Variants in PRIMPOL observed in about 807,000 individuals in gnomAD.
The protein encoded by PRIMPOL is primase and DNA directed polymerase.
Under a neutral mutation model 63.6 loss-of-function variants are expected in PRIMPOL, and 54 were observed. The ratio of observed to expected loss-of-function variants is 0.85; its 90% CI spans 0.68 to 1.07. The LOEUF (loss-of-function observed/expected upper bound fraction) is 1.07. Ranked by LOEUF, PRIMPOL falls within the 50% of genes least tolerant of loss-of-function variation. PRIMPOL has a pLI of 0.00. For missense variants in PRIMPOL, 610 were observed against 648.3 expected (o/e 0.94, Z 0.64); for synonymous variants, 197 against 220.2 (o/e 0.89, Z 0.93).
rs1433327549 is a variant in PRIMPOL, at chr4:184,691,678, C to T, written c.1391C>T (p.Pro464Leu). 2 of 1,612,268 alleles carry T rather than the reference C, an allele frequency of 1.2e-6. No individual in the cohort carries two copies. Among genetic ancestry groups the T allele is most frequent in the African/African-American group, 1.3e-5 (1 of 74,866 alleles). ...CTTTCTGATTCAGGTTTCCCATTACCTGCTGAAGTATGTCTCCTGTTTCTT... is the reference window on the plus strand; with the variant it reads ...CTTTCTGATTCAGGTTTCCCATTACTTGCTGAAGTATGTCTCCTGTTTCTT... ...ENFKSDCFPL[P>L]AEVCLLFLFK... Residue 464 changes from proline to leucine, a missense_variant, in exon 13 of 14, where the codon CCT (proline) becomes CTT (leucine). Pro to Leu is a moderately conservative substitution (Grantham distance 98). Transcript: ENST00000314970.
intron 6 of PRIMPOL, 137 bp from the exon 7 acceptor site, chr4:184,672,036 G>C (rs903143766): frequency 1.2e-6 from 1 of 821,822 alleles, no homozygotes; most frequent in Non-Finnish European, 1.9e-6. Context: ...CACTGTGCCC[G>C]GCAGCAACCC....
intron 6 of PRIMPOL, among the ~76,000 whole-genome samples, chr4:184,668,471 G>C (rs529130475): frequency 6.6e-6 from 1 of 152,212 alleles, no homozygotes. Flanking sequence ...AGCGAGGCCC[G>C]CTGTGCTCCA....
intron 2 of PRIMPOL, among the ~76,000 whole-genome samples, chr4:184,654,406 A>T (rs1745614828): frequency 6.6e-6 from 1 of 151,692 alleles, no homozygotes; most frequent in Non-Finnish European, 1.5e-5. Context: ...AATACTCAGA[A>T]TCTAGCAATA....
chr4:184,650,889 C>T (rs890110700), intron 1 of PRIMPOL, among the ~76,000 whole-genome samples: 4 of 152,142 alleles, frequency 2.6e-5, no homozygotes, highest in African/African-American at 9.7e-5. Flanking sequence ...TTATTGCATG[C>T]TTTTACATTT....
intron 7 of PRIMPOL, among the ~76,000 whole-genome samples, chr4:184,675,872 T>C (rs1753177765): frequency 6.6e-6 from 1 of 152,088 alleles, no homozygotes; most frequent in Non-Finnish European, 1.5e-5. Context: ...GCCATGTAGC[T>C]CAAACCCTTG....
At position 184,691,668 on chromosome 4, in the gene PRIMPOL, T is replaced by C. The variant is rs553502345; in HGVS notation, c.1381T>C (p.Phe461Leu). The change falls in exon 13 of 14, where the codon TTC (phenylalanine) becomes CTC (leucine). Residue 461 changes from phenylalanine to leucine, a missense_variant and splice_region_variant. This residue lies in a region of PRIMPOL where 444 missense variants were observed against 456.4 expected (regional missense o/e 0.97). Transcript: ENST00000314970. ...CKAENFKSDC[F>L]PLPAEVCLLF... ...GTTTTGCTATCTTTCTGATTCAGGT[T>C]TCCCATTACCTGCTGAAGTATGTCT... The C allele has an allele frequency of 9.9e-6, 16 of 1,612,076 alleles. 1 individual carries two copies. Among genetic ancestry groups the C allele is most frequent in the Admixed American group, 8.3e-5 (5 of 59,994 alleles).
intron 7 of PRIMPOL, among the ~76,000 whole-genome samples, chr4:184,673,942 G>A (rs1752618791): frequency 6.6e-6 from 1 of 152,202 alleles, no homozygotes; most frequent in Admixed American, 6.5e-5. Context: ...GCAGCCACAC[G>A]GGCAGAGGCA....
chr4:184,694,656 T>TTA lies in PRIMPOL; in HGVS notation c.1562_1563dup (p.Phe522IlefsTer3), dbSNP rs774942233. 1.2e-6 allele frequency: 2 copies of TTA among 1,614,082 alleles called. No individual in the cohort carries two copies. The highest frequency in any genetic ancestry group is 1.1e-5 in the South Asian group (1 of 91,086). ...TCTGGGATAATGGCATTGATGATGCTTATTTTTTAGAAGCTACTGAAGATG... is the reference window on the plus strand; with the variant it reads ...TCTGGGATAATGGCATTGATGATGCTTATATTTTTTAGAAGCTACTGAAGATG... On this transcript the variant is annotated frameshift_variant, in exon 14 of 14. Transcript: ENST00000314970. LOFTEE classifies it low-confidence loss of function (END_TRUNC).
rs1432961280 is a variant in PRIMPOL, at chr4:184,657,324, A to T, written c.180+4A>T. ...TTTTGTTAAAAGCTGTAAAGAAGTA[A>T]TTTCCTCCTCCTCCTCTTCTTCTTC... On this transcript the variant is annotated splice_donor_region_variant and intron_variant, in intron 3 of 13. Coordinates refer to ENST00000314970, the MANE Select transcript of PRIMPOL (RefSeq NM_152683.4). 1 of 1,598,244 alleles carries T rather than the reference A, an allele frequency of 6.3e-7. No individual in the cohort carries two copies. Among genetic ancestry groups the T allele is most frequent in the South Asian group, 1.1e-5 (1 of 88,512 alleles).
chr4:184,677,798 T>C (rs1376337397), intron 7 of PRIMPOL, among the ~76,000 whole-genome samples: 2 of 152,222 alleles, frequency 1.3e-5, no homozygotes, highest in African/African-American at 2.4e-5. Context: ...TTTACTTAGG[T>C]ATTCTCTAAT....
chr4:184,676,015 C>G (rs1579487901), intron 7 of PRIMPOL, among the ~76,000 whole-genome samples: 1 of 152,124 alleles, frequency 6.6e-6, no homozygotes, highest in South Asian at 2.1e-4. Context: ...GTCAGTGTTT[C>G]TTGCATCTTG....
intron 6 of PRIMPOL, among the ~76,000 whole-genome samples, chr4:184,671,073 AAAT>A (rs1751473011): frequency 6.6e-6 from 1 of 152,240 alleles, no homozygotes; most frequent in Admixed American, 6.5e-5. Context: ...TTCATGGTGT[AAAT>A]AATATGTCTG....
intron 3 of PRIMPOL, chr4:184,657,530 A>G (rs1746806486): frequency 2.2e-6 from 1 of 459,776 alleles, no homozygotes; most frequent in South Asian, 3.4e-5. Flanking sequence ...CATTTAATTT[A>G]TATTAGTAAT....
intron 2 of PRIMPOL, among the ~76,000 whole-genome samples, chr4:184,656,666 G>C (rs1333321354): frequency 1.3e-5 from 2 of 152,024 alleles, no homozygotes; most frequent in Non-Finnish European, 2.9e-5. Context: ...CACAAGAATG[G>C]GTGGACAAGG....
Position 184,671,155 on chromosome 4 carries a change from T to A in PRIMPOL, c.557-1018T>A, listed in dbSNP as rs146334405. Among the ~76,000 whole-genome samples the A allele has an allele frequency of 3.5e-3, 530 of 152,286 alleles. 8 individuals carry two copies. The highest frequency in any genetic ancestry group is 9.0e-4 in the Non-Finnish European group (61 of 68,016). ...CAGATAGTACTGCTGTTACTCTGAG[T>A]TCTTAGAATAAATGTTGAAGTGCAG... On this transcript the variant is annotated intron_variant, in intron 6 of 13. Coordinates refer to ENST00000314970, the MANE Select transcript of PRIMPOL (RefSeq NM_152683.4).
intron 6 of PRIMPOL, among the ~76,000 whole-genome samples, chr4:184,670,950 A>G (rs1468197059): frequency 6.6e-6 from 1 of 152,000 alleles, no homozygotes; most frequent in East Asian, 1.9e-4. Context: ...AATAAAGTGA[A>G]GAATGAATCT....
At chr4:184,693,889 A>C (rs1158925993) in intron 13 of PRIMPOL, among the ~76,000 whole-genome samples, 1 of 152,170 alleles carries the variant, frequency 6.6e-6, no homozygotes, top group African/African-American at 2.4e-5. Flanking sequence ...GGCTGGTCTC[A>C]AACTCCTGGC....
chr4:184,660,670 A>G (rs568045271), intron 4 of PRIMPOL, among the ~76,000 whole-genome samples: 20 of 152,322 alleles, frequency 1.3e-4, no homozygotes, highest in Admixed American at 1.3e-3. Flanking sequence ...AGACAATGTG[A>G]CAGATGTTTT....
At chr4:184,677,813 C>G (rs1754519817) in intron 7 of PRIMPOL, among the ~76,000 whole-genome samples, 1 of 152,144 alleles carries the variant, frequency 6.6e-6, no homozygotes, top group Admixed American at 6.5e-5. Flanking sequence ...TCTAATGTTT[C>G]TCTATAATGT....
Sources: gnomAD v4.1 joint callset for allele counts (sites outside exome capture counted in the v4.1 genomes callset) on GRCh38, gnomAD v4.1.1 for gene constraint, gnomAD v4.1.1 regional missense constraint, MANE v1.5 for transcripts, NCBI Gene and HGNC (gene_info 2026-07-23, HGNC 2026-07-21) for gene names.